Variants in TENM3 observed in about 807,000 individuals in gnomAD.
The protein encoded by TENM3 is teneurin transmembrane protein 3.
Under a neutral mutation model 255.1 loss-of-function variants are expected in TENM3, and 63 were observed. The observed-to-expected ratio is 0.25, with a 90% CI of 0.20 to 0.30. The LOEUF (loss-of-function observed/expected upper bound fraction) is 0.30. TENM3 is among the 10% of genes least tolerant of loss of function. TENM3 has a pLI of 1.00. For synonymous variants in TENM3, 1,306 were observed against 1,322.3 expected, an observed-to-expected ratio of 0.99 and a Z score of 0.27; for missense variants, 2,929 against 3,461.1, an observed-to-expected ratio of 0.85 and a Z score of 3.86.
chr4:181,506,442 G>T, the TENM3 span, among the ~76,000 whole-genome samples: 1 of 151,474 alleles, frequency 6.6e-6, no homozygotes, highest in Non-Finnish European at 1.5e-5. Flanking sequence ...GAATATATTT[G>T]AAGAGAAAGA....
chr4:182,308,016 C>G (rs1173693431), intron 1 of TENM3, among the ~76,000 whole-genome samples: 1 of 152,198 alleles, frequency 6.6e-6, no homozygotes, highest in East Asian at 1.9e-4. Context: ...CATCTGAGAA[C>G]GCAACATTTT....
chr4:182,153,045 T>C (rs1441668366), intron 1 of TENM3, among the ~76,000 whole-genome samples: 1 of 151,878 alleles, frequency 6.6e-6, no homozygotes, highest in Non-Finnish European at 1.5e-5. Flanking sequence ...ACTTGGGCTT[T>C]TATCTTTTAT....
chr4:182,253,427 C>G (rs973709659), intron 1 of TENM3, among the ~76,000 whole-genome samples: 3 of 152,166 alleles, frequency 2.0e-5, no homozygotes, highest in African/African-American at 7.2e-5. Context: ...GAGCTGAGAT[C>G]GCACCACTGC....
the TENM3 span, among the ~76,000 whole-genome samples, chr4:181,591,534 G>A: frequency 6.6e-6 from 1 of 152,092 alleles, no homozygotes; most frequent in Non-Finnish European, 1.5e-5. Flanking sequence ...TATAGCAGGG[G>A]TCTCCAACAC....
the TENM3 span, among the ~76,000 whole-genome samples, chr4:181,899,941 T>C: frequency 1.3e-5 from 2 of 152,204 alleles, no homozygotes; most frequent in Admixed American, 1.3e-4. Context: ...TGACCTTTTT[T>C]CTTGATTTTT....
chr4:182,719,264 T>C (rs1007572858), intron 13 of TENM3, among the ~76,000 whole-genome samples: 2,806 of 128,814 alleles, frequency 0.022, 35 homozygotes, highest in Non-Finnish European at 0.034. Context: ...TTTTTTTTTT[T>C]TTTTTTTTTT....
intron 26 of TENM3, 125 bp from the exon 27 acceptor site, chr4:182,796,512 C>T: frequency 1.1e-6 from 1 of 917,696 alleles, no homozygotes; most frequent in Non-Finnish European, 1.6e-6. Context: ...AGGACGAAAG[C>T]AAACAGGTGC....
intron 1 of TENM3, among the ~76,000 whole-genome samples, chr4:182,149,771 C>G (rs570748764): frequency 3.3e-5 from 5 of 152,004 alleles, no homozygotes; most frequent in African/African-American, 1.2e-4. Flanking sequence ...CTAAACTATG[C>G]TTATATTCTT....
chr4:182,057,610 A>G, the TENM3 span, among the ~76,000 whole-genome samples: 2 of 151,782 alleles, frequency 1.3e-5, no homozygotes, highest in Non-Finnish European at 2.9e-5. Flanking sequence ...TATGTTGCCC[A>G]GGCTGGTCTC....
intron 3 of TENM3, among the ~76,000 whole-genome samples, chr4:182,456,461 C>T (rs896462365): frequency 6.6e-6 from 1 of 151,988 alleles, no homozygotes; most frequent in Non-Finnish European, 1.5e-5. Flanking sequence ...AGCTAAGTTC[C>T]GATAGGTGTT....
At chr4:181,462,909 C>A in the TENM3 span, among the ~76,000 whole-genome samples, 6 of 152,324 alleles carry the variant, frequency 3.9e-5, no homozygotes, top group South Asian at 1.2e-3. Context: ...TTATTCATCC[C>A]TGTGACCTCA....
chr4:182,044,838 T>G, the TENM3 span, among the ~76,000 whole-genome samples: 1 of 152,184 alleles, frequency 6.6e-6, no homozygotes, highest in South Asian at 2.1e-4. Flanking sequence ...AGGGCCCACA[T>G]GATACTCAAG....
chr4:182,459,642 T>G, intron 3 of TENM3, among the ~76,000 whole-genome samples: 1 of 152,182 alleles, frequency 6.6e-6, no homozygotes, highest in East Asian at 1.9e-4. Flanking sequence ...CAGTCTTCAC[T>G]TCTGTGCTTC....
At chr4:181,450,612 A>G in the TENM3 span, among the ~76,000 whole-genome samples, 1 of 152,146 alleles carries the variant, frequency 6.6e-6, no homozygotes, top group Non-Finnish European at 1.5e-5. Flanking sequence ...ATGCGACCTG[A>G]CTTGTTCAGA....
chr4:182,570,568 G>A lies in TENM3; in HGVS notation c.512-30356G>A, dbSNP rs139122480. Among the ~76,000 whole-genome samples the A allele has an allele frequency of 4.2e-3, 643 of 152,270 alleles. 12 individuals carry two copies. Among genetic ancestry groups the A allele is most frequent in the Non-Finnish European group, 4.4e-3 (297 of 68,018 alleles). On this transcript the variant is annotated intron_variant, in intron 3 of 27. Transcript: ENST00000511685. ...ATGCCTTTAAAACTTGGAAAGGGCC[G>A]GCCGGGCGTGGTGGCTCACGCCTGT...
intron 13 of TENM3, among the ~76,000 whole-genome samples, chr4:182,718,212 T>A (rs910189164): frequency 2.6e-5 from 4 of 152,030 alleles, no homozygotes; most frequent in Admixed American, 6.5e-5. Flanking sequence ...AACTGAAAAA[T>A]TCAGATAGAG....
chr4:182,537,378 T>G (rs1323729625), intron 3 of TENM3, among the ~76,000 whole-genome samples: 1 of 152,218 alleles, frequency 6.6e-6, no homozygotes, highest in Non-Finnish European at 1.5e-5. Context: ...AAGATCTCTC[T>G]CTTGTCTAGT....
the TENM3 span, among the ~76,000 whole-genome samples, chr4:182,111,110 G>A: frequency 6.7e-6 from 1 of 149,548 alleles, no homozygotes; most frequent in African/African-American, 2.5e-5. Context: ...CTCTCTCATG[G>A]TTTCATATGA....
intron 1 of TENM3, among the ~76,000 whole-genome samples, chr4:182,224,049 T>G (rs1756000022): frequency 6.6e-6 from 1 of 152,204 alleles, no homozygotes; most frequent in South Asian, 2.1e-4. Context: ...TGTGGCTTAT[T>G]TTATGTACCC....
Sources: allele counts gnomAD v4.1 joint callset (sites outside exome capture counted in the v4.1 genomes callset), GRCh38; gene constraint gnomAD v4.1.1; transcripts MANE v1.5; gene names NCBI Gene and HGNC (gene_info 2026-07-23, HGNC 2026-07-21).